Variants in CRTAP observed in about 807,000 individuals in gnomAD.
The protein encoded by CRTAP is cartilage associated protein, also known as cartilage-associated protein.
In CRTAP, 33 loss-of-function variants were observed where a neutral mutation model predicts 42.7. The ratio of observed to expected loss-of-function variants is 0.77; its 90% CI spans 0.59 to 1.03. The LOEUF (loss-of-function observed/expected upper bound fraction) is 1.03, where lower values mean the gene tolerates loss of function less well. Among genes scored for constraint, CRTAP ranks in the 50% least tolerant of loss-of-function variants. CRTAP has a pLI of 0.00. For synonymous variants in CRTAP, 243 were observed against 217.7 expected (o/e 1.12, Z -1.02); for missense variants, 613 against 533.9 (o/e 1.15, Z -1.46).
chr3:33,132,365 G>C (rs1325569704), intron 4 of CRTAP, among the ~76,000 whole-genome samples, 190 bp from the exon 5 acceptor site: 4 of 152,196 alleles, frequency 2.6e-5, no homozygotes, highest in African/African-American at 9.7e-5. Context: ...TAAGTTTCAA[G>C]CCTGGCCTCC....
rs2030749895 is a variant in CRTAP at position 33,147,381 on chromosome 3, G to A, written c.*4933G>A. 1 of 152,650 alleles carries A rather than the reference G, an allele frequency of 6.6e-6. No individual in the cohort carries two copies. The highest frequency in any genetic ancestry group is 1.5e-5 in the Non-Finnish European group (1 of 68,066). 9.5% of individuals were successfully genotyped at this position (152,650 alleles called of 1,614,324 possible). A position where few individuals can be genotyped will look rare whatever the true frequency, so the allele number is the denominator to read the frequency against. The stretch of plus-strand genomic sequence containing the variant: ...CTTAGAGTGTTTTCCGTCTAGGGCC[G>A]GCTCGTGAACAGCCACATATCCTTG... On this transcript the variant is annotated 3_prime_UTR_variant, in exon 7 of 7. Coordinates refer to ENST00000320954, the MANE Select transcript of CRTAP (RefSeq NM_006371.5).
intron 3 of CRTAP, 149 bp downstream of exon 3, chr3:33,124,728 C>G (rs1415710815): frequency 1.1e-6 from 1 of 875,772 alleles, no homozygotes; most frequent in Admixed American, 1.9e-5. Context: ...GTAGTCACCA[C>G]CTGCATAGAT....
In CRTAP at chr3:33,124,458, A is replaced by G. The variant is rs1454823808; in HGVS notation, c.672A>G (p.Thr224=). The change falls in exon 3 of 7, where the codon ACA becomes ACG. Residue 224 remains threonine (T), a synonymous_variant. Transcript: ENST00000320954. The part of the protein sequence containing the change: ...VRAYNGENWR[T]SITDMELALP... ...CATACAACGGTGAGAACTGGAGAAC[A>G]TCCATCACAGACATGGAGCTGGCCC... is the stretch of plus-strand genomic sequence containing the variant. 3 of 1,614,078 alleles carry G rather than the reference A, an allele frequency of 1.9e-6. No homozygotes were observed. The highest frequency in any genetic ancestry group is 1.3e-5 in the African/African-American group (1 of 74,910).
At chr3:33,128,911 C>T (rs1374694631) in intron 3 of CRTAP, among the ~76,000 whole-genome samples, 1 of 152,210 alleles carries the variant, frequency 6.6e-6, no homozygotes, top group East Asian at 1.9e-4. Flanking sequence ...TTGTTACTCT[C>T]AACATGTCAT....
At position 33,124,404 on chromosome 3, in the gene CRTAP, T is replaced by G. The variant is rs757517346; in HGVS notation, c.622-4T>G. On this transcript the variant is annotated splice_region_variant and splice_polypyrimidine_tract_variant and intron_variant, in intron 2 of 6. Transcript: ENST00000320954. ...AGCTTCACTGGCTTCTCCATGCCTT[T>G]CAGAGCCTGTTCATCCGAGCAGTGC... 3 of 1,614,008 alleles carry G rather than the reference T, an allele frequency of 1.9e-6. No individual in the cohort carries two copies. The highest frequency in any genetic ancestry group is 2.5e-6 in the Non-Finnish European group (3 of 1,180,026).
At chr3:33,137,560 A>G (rs1450652809) in intron 6 of CRTAP, among the ~76,000 whole-genome samples, 1 of 152,186 alleles carries the variant, frequency 6.6e-6, no homozygotes, top group Non-Finnish European at 1.5e-5. Context: ...TTATCTTTTT[A>G]TTATTGTGTT....
At chr3:33,114,754 C>A (rs1219331181) in intron 1 of CRTAP, among the ~76,000 whole-genome samples, 1 of 152,240 alleles carries the variant, frequency 6.6e-6, no homozygotes, top group African/African-American at 2.4e-5. Flanking sequence ...TGAAGGGTAA[C>A]TCTAAGGTAG....
rs1347124522 is a variant in CRTAP at position 33,135,124 on chromosome 3, C to A, written c.1152+859C>A. 2.0e-5 allele frequency among the ~76,000 whole-genome samples: 3 copies of A among 152,208 alleles called. No individual in the cohort carries two copies. In the East Asian group the frequency reaches 5.8e-4, roughly 29 times the overall value. On this transcript the variant is annotated intron_variant, in intron 6 of 6. Transcript: ENST00000320954. ...TATCTATAAAATGGGAATAATAATACTGCCCTCCCAGGGTTGTGAGAATAA... is the reference window on the plus strand; with the variant it reads ...TATCTATAAAATGGGAATAATAATAATGCCCTCCCAGGGTTGTGAGAATAA...
intron 4 of CRTAP, among the ~76,000 whole-genome samples, chr3:33,132,229 A>G (rs939585034): frequency 2.0e-5 from 3 of 152,112 alleles, no homozygotes; most frequent in Non-Finnish European, 4.4e-5. Flanking sequence ...CATCCTCCCT[A>G]TCTCCCTCAG....
chr3:33,135,332 A>G (rs7652193), intron 6 of CRTAP, among the ~76,000 whole-genome samples: 129,313 of 152,208 alleles, frequency 0.85, 55,056 homozygotes, highest in East Asian at 0.96. Context: ...ACTGTGGTTT[A>G]CAAAGTATAG....
chr3:33,147,313 A>C lies in CRTAP; in HGVS notation c.*4865A>C, dbSNP rs1325136760. ...AGCCCGGCTTTGCCTTGACTGACCCACTGCTACCCCAGAAATAAGAATCAA... is the reference window on the plus strand; with the variant it reads ...AGCCCGGCTTTGCCTTGACTGACCCCCTGCTACCCCAGAAATAAGAATCAA... On this transcript the variant is annotated 3_prime_UTR_variant, in exon 7 of 7. Transcript: ENST00000320954. The C allele has an allele frequency of 6.5e-6, 1 of 152,704 alleles. No individual in the cohort carries two copies. The highest frequency in any genetic ancestry group is 1.5e-5 in the Non-Finnish European group (1 of 68,100). 9.5% of individuals were successfully genotyped at this position (152,704 alleles called of 1,614,324 possible). A position where few individuals can be genotyped will look rare whatever the true frequency, so the allele number is the denominator to read the frequency against.
rs1369576155 is a variant in CRTAP, at chr3:33,143,084, C to A, written c.*636C>A. ...TTTCTTACCATTTTGGTTTGAAGGG[C>A]AGTCTTCTCTGGCTTGTTTTTTTGT... On this transcript the variant is annotated 3_prime_UTR_variant, in exon 7 of 7. Transcript: ENST00000320954. The A allele has an allele frequency of 6.6e-6, 1 of 152,274 alleles. No homozygotes were observed. The highest frequency in any genetic ancestry group is 2.4e-5 in the African/African-American group (1 of 41,454). The allele number at this position is 152,274 out of a possible 1,614,324, so 9.4% of individuals were successfully genotyped here. A position where few individuals can be genotyped will look rare whatever the true frequency, so the allele number is the denominator to read the frequency against.
chr3:33,127,233 C>T (rs968842045), intron 3 of CRTAP, among the ~76,000 whole-genome samples: 1 of 151,118 alleles, frequency 6.6e-6, no homozygotes, highest in Non-Finnish European at 1.5e-5. Flanking sequence ...ATTTATTTTC[C>T]TCTCACAGTA....
intron 3 of CRTAP, among the ~76,000 whole-genome samples, chr3:33,129,480 T>C (rs1375366167): frequency 6.6e-6 from 1 of 152,032 alleles, no homozygotes; most frequent in Non-Finnish European, 1.5e-5. Context: ...TTGAAACAAC[T>C]TTGTATATTA....
At position 33,143,532 on chromosome 3, in the gene CRTAP, C is replaced by T. The variant is rs2030639307; in HGVS notation, c.*1084C>T. On this transcript the variant is annotated 3_prime_UTR_variant, in exon 7 of 7. Coordinates refer to ENST00000320954, the MANE Select transcript of CRTAP (RefSeq NM_006371.5). ...TACCTACTGTGTGCTAGGCATTGAC[C>T]TGGGAACTAGAGATACTTCACAGAA... 1 of 111,770 alleles carries T rather than the reference C, an allele frequency of 8.9e-6. No homozygotes were observed. Among genetic ancestry groups the T allele is most frequent in the Non-Finnish European group, 2.3e-5 (1 of 43,432 alleles). 6.9% of individuals were successfully genotyped at this position (111,770 alleles called of 1,614,324 possible). A position where few individuals can be genotyped will look rare whatever the true frequency, so the allele number is the denominator to read the frequency against.
intron 2 of CRTAP, among the ~76,000 whole-genome samples, chr3:33,121,011 TAAGA>T (rs1008715748): frequency 1.6e-4 from 24 of 152,108 alleles, no homozygotes; most frequent in African/African-American, 5.3e-4. Flanking sequence ...AGAACAACAA[TAAGA>T]AAGAACGATC....
Position 33,114,416 on chromosome 3 carries a change from G to T in CRTAP, c.339G>T (p.Leu113=), listed in dbSNP as rs960380634. The stretch of plus-strand genomic sequence containing the variant: ...AGCTGCGCCTCTTCGGGGGCCTGCT[G>T]CGCCGCGCGCACTGCCTCAAGCGCT... ...YPELRLFGGL[L]RRAHCLKRCK... Residue 113 remains leucine (L), a synonymous_variant, in exon 1 of 7, where the codon CTG becomes CTT. Transcript: ENST00000320954. 1 of 1,550,232 alleles carries T rather than the reference G, an allele frequency of 6.5e-7. No homozygotes were observed. Among genetic ancestry groups the T allele is most frequent in the East Asian group, 2.4e-5 (1 of 41,158 alleles).
intron 6 of CRTAP, among the ~76,000 whole-genome samples, chr3:33,138,935 G>C (rs2125606457): frequency 1.3e-5 from 2 of 152,274 alleles, no homozygotes; most frequent in Middle Eastern, 6.8e-3. Flanking sequence ...CTGAGGTCGG[G>C]AGTTTGAGAC....
In CRTAP at chr3:33,142,397, A is replaced by C. The variant is rs1325393199; in HGVS notation, c.1155A>C (p.Gly385=). 9 of 1,613,968 alleles carry C rather than the reference A, an allele frequency of 5.6e-6. No individual in the cohort carries two copies. Among genetic ancestry groups the C allele is most frequent in the Non-Finnish European group, 7.6e-6 (9 of 1,179,810 alleles). The change falls in exon 7 of 7, where the codon GGA becomes GGC. Residue 385 remains glycine, a splice_region_variant and synonymous_variant. Coordinates refer to ENST00000320954, the MANE Select transcript of CRTAP (RefSeq NM_006371.5). ...AGTTGTCCTGTTGTCTCTTACAGGG[A>C]GAAGTTGTGGAATATGTGGATGACC... ...AKENIMDDDE[G]EVVEYVDDLL...
Sources: allele counts gnomAD v4.1 joint callset (sites outside exome capture counted in the v4.1 genomes callset), GRCh38; gene constraint gnomAD v4.1.1; transcripts MANE v1.5; gene names NCBI Gene and HGNC (gene_info 2026-07-23, HGNC 2026-07-21).